TGFB2: variants seen among roughly 807,000 people sequenced by gnomAD.
TGFB2 encodes the protein transforming growth factor beta 2, also known as transforming growth factor beta-2 proprotein.
In TGFB2, 13 loss-of-function variants were observed where a neutral mutation model predicts 42.7. The ratio of observed to expected loss-of-function variants is 0.30; its 90% CI spans 0.20 to 0.48. TGFB2 has a LOEUF of 0.48. TGFB2 is among the 20% of genes least tolerant of loss of function. The pLI, the probability that TGFB2 is intolerant of heterozygous loss-of-function variation, is 0.99. For synonymous variants in TGFB2, 193 were observed against 193.6 expected (o/e 1.00, Z 0.03); for missense variants, 390 against 517.5 (o/e 0.75, Z 2.39).
At chr1:218,410,275 A>T (rs1025247438) in intron 2 of TGFB2, among the ~76,000 whole-genome samples, 1 of 152,162 alleles carries the variant, frequency 6.6e-6, no homozygotes, top group Non-Finnish European at 1.5e-5. Context: ...AATTCTATAC[A>T]TGAGTTCAGG....
intron 1 of TGFB2, among the ~76,000 whole-genome samples, chr1:218,369,298 A>C (rs1657496966): frequency 7.6e-6 from 1 of 131,618 alleles, no homozygotes. Context: ...AAAAAATGGT[A>C]TGTTGAATGG....
At chr1:218,418,477 A>G (rs1349854163) in intron 2 of TGFB2, among the ~76,000 whole-genome samples, 1 of 152,248 alleles carries the variant, frequency 6.6e-6, no homozygotes, top group Non-Finnish European at 1.5e-5. Context: ...CATAGGCAGA[A>G]GGGACTTGCC....
chr1:218,367,614 C>T (rs1392950070), intron 1 of TGFB2, among the ~76,000 whole-genome samples: 1 of 152,164 alleles, frequency 6.6e-6, no homozygotes, highest in African/African-American at 2.4e-5. Context: ...ATGTGGTCTA[C>T]ATCACTAAAT....
intron 1 of TGFB2, among the ~76,000 whole-genome samples, chr1:218,398,893 T>A (rs1023693693): frequency 6.6e-6 from 1 of 152,022 alleles, no homozygotes; most frequent in African/African-American, 2.4e-5. Flanking sequence ...ATTATTTTAA[T>A]TTTTTTTAGA....
intron 1 of TGFB2, among the ~76,000 whole-genome samples, chr1:218,358,243 T>C (rs1447616273): frequency 1.3e-5 from 2 of 152,204 alleles, no homozygotes; most frequent in African/African-American, 4.8e-5. Flanking sequence ...TTCAGAGCTC[T>C]AAAATATTTA....
chr1:218,355,788 T>C (rs1179892902), intron 1 of TGFB2, among the ~76,000 whole-genome samples: 3 of 152,222 alleles, frequency 2.0e-5, no homozygotes, highest in Non-Finnish European at 4.4e-5. Flanking sequence ...TATGTGCCAC[T>C]AACAAAGAAA....
rs998926474 is a variant in TGFB2 at position 218,438,579 on chromosome 1, A to G, written c.1086+1083A>G. On this transcript the variant is annotated intron_variant, in intron 6 of 6. Coordinates refer to ENST00000366930, the MANE Select transcript of TGFB2 (RefSeq NM_003238.6). ...AAATGACTTGAAAATTCGTTTCTCT[A>G]CTTTTTTTTTAATGTAACACAAAGT... Among the ~76,000 whole-genome samples, 26 of 152,114 alleles carry G rather than the reference A, an allele frequency of 1.7e-4. 1 individual carries two copies. The highest frequency in any genetic ancestry group is 6.8e-3 in the Middle Eastern group (2 of 294).
intron 2 of TGFB2, among the ~76,000 whole-genome samples, chr1:218,431,296 TAA>T (rs2102623272): frequency 6.6e-6 from 1 of 152,328 alleles, no homozygotes; most frequent in South Asian, 2.1e-4. Flanking sequence ...TAGTAGGATT[TAA>T]AAGAGAAAAA....
Position 218,441,649 on chromosome 1 carries a change from G to A in TGFB2, c.*287G>A. On this transcript the variant is annotated 3_prime_UTR_variant, in exon 7 of 7. Coordinates refer to ENST00000366930, the MANE Select transcript of TGFB2 (RefSeq NM_003238.6). ...TTTTTTAAAGAAAAAAATAAACACT[G>A]GAAGAATTTATTAGTGTTAATTATG... 1.2e-5 allele frequency: 3 copies of A among 245,068 alleles called. No individual in the cohort carries two copies. Among genetic ancestry groups the A allele is most frequent in the South Asian group, 9.1e-5 (1 of 10,938 alleles). The allele number at this position is 245,068 out of a possible 1,614,324, so 15.2% of individuals were successfully genotyped here. A position where few individuals can be genotyped will look rare whatever the true frequency, so the allele number is the denominator to read the frequency against.
intron 1 of TGFB2, among the ~76,000 whole-genome samples, chr1:218,393,887 C>T (rs992682564): frequency 3.3e-5 from 5 of 151,690 alleles, no homozygotes; most frequent in Admixed American, 1.3e-4. Flanking sequence ...CTCTGAGACT[C>T]CTCTACGTTA....
intron 1 of TGFB2, among the ~76,000 whole-genome samples, chr1:218,390,904 T>A (rs908646266): frequency 1.3e-5 from 2 of 152,282 alleles, no homozygotes; most frequent in South Asian, 4.1e-4. Context: ...AATGAATACA[T>A]CTACCAACCC....
In TGFB2 at chr1:218,443,040, A is replaced by AGTCC. The variant is rs1660207766; in HGVS notation, c.*1679_*1682dup. The AGTCC allele has an allele frequency of 6.6e-6, 1 of 152,188 alleles. No homozygotes were observed. Among genetic ancestry groups the AGTCC allele is most frequent in the Admixed American group, 6.5e-5 (1 of 15,272 alleles). 9.4% of individuals were successfully genotyped at this position (152,188 alleles called of 1,614,324 possible). A position where few individuals can be genotyped will look rare whatever the true frequency, so the allele number is the denominator to read the frequency against. The stretch of plus-strand genomic sequence containing the variant: ...AGTCGATTTTTCAAAAGGGGAAAAA[A>AGTCC]GTCCAGGTCAGCATAAGTCATTTTG... On this transcript the variant is annotated 3_prime_UTR_variant, in exon 7 of 7. Coordinates refer to ENST00000366930, the MANE Select transcript of TGFB2 (RefSeq NM_003238.6).
At chr1:218,401,346 C>T (rs557616197) in intron 1 of TGFB2, among the ~76,000 whole-genome samples, 5 of 152,110 alleles carry the variant, frequency 3.3e-5, no homozygotes, top group South Asian at 2.1e-4. Context: ...CTCTCCCTTC[C>T]GTCCCCAAAA....
intron 2 of TGFB2, among the ~76,000 whole-genome samples, chr1:218,406,192 TACAC>T (rs35504165): frequency 6.7e-6 from 1 of 148,976 alleles, no homozygotes; most frequent in Non-Finnish European, 1.5e-5. Context: ...ACCCACTCAA[TACAC>T]ACACACACAC....
At chr1:218,431,391 T>G (rs1349259086) in intron 2 of TGFB2, among the ~76,000 whole-genome samples, 1 of 152,214 alleles carries the variant, frequency 6.6e-6, no homozygotes. Context: ...GGTGGAAGAT[T>G]TATATAGATT....
At chr1:218,385,414 T>G (rs1658100652) in intron 1 of TGFB2, among the ~76,000 whole-genome samples, 1 of 152,208 alleles carries the variant, frequency 6.6e-6, no homozygotes, top group Non-Finnish European at 1.5e-5. Flanking sequence ...TGATCACCGG[T>G]TCACAGAGCA....
At chr1:218,363,446 G>C (rs755408070) in intron 1 of TGFB2, 2 of 1,587,662 alleles carry the variant, frequency 1.3e-6, no homozygotes, top group Non-Finnish European at 1.7e-6. Flanking sequence ...TTTATTCCTC[G>C]TTTGACATAG....
intron 1 of TGFB2, among the ~76,000 whole-genome samples, chr1:218,404,051 C>CAAA (rs35450089): frequency 2.2e-4 from 22 of 99,752 alleles, no homozygotes; most frequent in East Asian, 3.1e-4. Flanking sequence ...TGGCAGATTA[C>CAAA]AAAAAAAAAA....
chr1:218,369,088 C>G (rs1657484729), intron 1 of TGFB2, among the ~76,000 whole-genome samples: 1 of 151,580 alleles, frequency 6.6e-6, no homozygotes. Context: ...AACCCTGTCT[C>G]TACTAAAAAT....
Sources: allele counts gnomAD v4.1 joint callset (sites outside exome capture counted in the v4.1 genomes callset), GRCh38; gene constraint gnomAD v4.1.1; transcripts MANE v1.5; gene names NCBI Gene and HGNC (gene_info 2026-07-23, HGNC 2026-07-21).